The following GRIN2B variants were observed in gnomAD, a reference collection of about 807,000 sequenced individuals.
GRIN2B encodes glutamate ionotropic receptor NMDA type subunit 2B, also known as glutamate receptor ionotropic, NMDA 2B.
Under a neutral mutation model 114.5 loss-of-function variants are expected in GRIN2B, and 5 were observed. The ratio of observed to expected loss-of-function variants is 0.04; its 90% CI spans 0.02 to 0.09. GRIN2B has a LOEUF of 0.09. Ranked by LOEUF, GRIN2B falls within the 10% of genes least tolerant of loss-of-function variation. GRIN2B has a pLI of 1.00. For missense variants in GRIN2B, 1,108 were observed against 1,943.5 expected (o/e 0.57, Z 8.08); for synonymous variants, 787 against 745.1 (o/e 1.06, Z -0.92).
intron 3 of GRIN2B, among the ~76,000 whole-genome samples, chr12:13,812,708 T>C (rs1864755214): frequency 6.6e-6 from 1 of 152,148 alleles, no homozygotes. Context: ...GGAATAGAAC[T>C]AAGAAAATGA....
intron 3 of GRIN2B, among the ~76,000 whole-genome samples, chr12:13,834,619 G>A (rs1021734825): frequency 1.3e-5 from 2 of 152,110 alleles, no homozygotes; most frequent in Non-Finnish European, 2.9e-5. Context: ...AATTGTCTTG[G>A]TGCTCTCCCT....
intron 2 of GRIN2B, among the ~76,000 whole-genome samples, chr12:13,941,748 T>C (rs1194186310): frequency 2.0e-5 from 3 of 152,146 alleles, no homozygotes; most frequent in African/African-American, 4.8e-5. Context: ...TAAGGACAAA[T>C]GAAAAGTGTC....
chr12:13,975,493 T>C (rs1391643613), intron 2 of GRIN2B, among the ~76,000 whole-genome samples: 1 of 152,236 alleles, frequency 6.6e-6, no homozygotes, highest in African/African-American at 2.4e-5. Context: ...GGATCTCAAT[T>C]TCTTTATTAA....
At chr12:13,718,420 T>A (rs1052972930) in intron 4 of GRIN2B, among the ~76,000 whole-genome samples, 1 of 151,644 alleles carries the variant, frequency 6.6e-6, no homozygotes, top group African/African-American at 2.4e-5. Context: ...GCGGAGGAAG[T>A]ACCAAGGAAA....
intron 4 of GRIN2B, among the ~76,000 whole-genome samples, chr12:13,736,130 A>G (rs1293821974): frequency 5.3e-5 from 1 of 18,942 alleles, no homozygotes; most frequent in African/African-American, 1.8e-4. Context: ...TCTCCCATAG[A>G]AAAGCGGGGG....
intron 9 of GRIN2B, among the ~76,000 whole-genome samples, chr12:13,611,230 G>T (rs886154771): frequency 5.9e-5 from 9 of 152,122 alleles, no homozygotes; most frequent in Admixed American, 2.0e-4. Context: ...GGGCAAGGGG[G>T]TTGAACCAGG....
chr12:13,909,032 C>T (rs1357687607), intron 2 of GRIN2B, among the ~76,000 whole-genome samples: 1 of 152,110 alleles, frequency 6.6e-6, no homozygotes, highest in African/African-American at 2.4e-5. Flanking sequence ...GCTGCTGGCT[C>T]GTACTCTGTA....
intron 4 of GRIN2B, among the ~76,000 whole-genome samples, chr12:13,684,089 A>T (rs759189374): frequency 2.6e-5 from 4 of 152,126 alleles, no homozygotes; most frequent in Non-Finnish European, 4.4e-5. Context: ...AAGGCTTGGG[A>T]ATATTTGTTT....
At chr12:13,713,577 G>A (rs141961521) in intron 4 of GRIN2B, among the ~76,000 whole-genome samples, 3 of 152,038 alleles carry the variant, frequency 2.0e-5, no homozygotes, top group Admixed American at 1.3e-4. Context: ...TTGGTAAGAC[G>A]TTCTTAATAG....
intron 10 of GRIN2B, among the ~76,000 whole-genome samples, chr12:13,607,877 A>G (rs944005244): frequency 6.6e-6 from 1 of 152,186 alleles, no homozygotes; most frequent in African/African-American, 2.4e-5. Flanking sequence ...TCCTGGTTAC[A>G]TAGTTTCAGG....
rs58807255 is a variant in GRIN2B at position 13,897,990 on chromosome 12, TAATAAATAAATA to T, written c.-18-31776_-18-31765del. Among the ~76,000 whole-genome samples, 963 of 144,668 alleles carry T rather than the reference TAATAAATAAATA, an allele frequency of 6.7e-3. 16 individuals are homozygous for T. Among genetic ancestry groups the T allele is most frequent in the African/African-American group, 0.023 (887 of 39,354 alleles). The allele number at this position is 144,668 out of a possible 152,430, so 94.9% of individuals were successfully genotyped here. A position where few individuals can be genotyped will look rare whatever the true frequency, so the allele number is the denominator to read the frequency against. On this transcript the variant is annotated intron_variant, in intron 2 of 13. Coordinates refer to ENST00000609686, the MANE Select transcript of GRIN2B (RefSeq NM_000834.5). The stretch of plus-strand genomic sequence containing the variant: ...ATGTACCCTAAAACTTAAAGTATAA[TAATAAATAAATA>T]AATAAATAAATAAATAAATAAATAA...
At chr12:13,742,888 G>A (rs563540545) in intron 4 of GRIN2B, among the ~76,000 whole-genome samples, 2 of 152,310 alleles carry the variant, frequency 1.3e-5, no homozygotes, top group African/African-American at 4.8e-5. Flanking sequence ...TTCCTAAACA[G>A]GGAAATGATT....
intron 2 of GRIN2B, among the ~76,000 whole-genome samples, chr12:13,936,773 C>A (rs1284100659): frequency 1.3e-5 from 2 of 151,548 alleles, no homozygotes; most frequent in African/African-American, 4.9e-5. Context: ...AGAAAATATG[C>A]TCAAATAATT....
chr12:13,654,850 AG>A (rs1203941308), intron 5 of GRIN2B, among the ~76,000 whole-genome samples: 1 of 152,094 alleles, frequency 6.6e-6, no homozygotes, highest in African/African-American at 2.4e-5. Context: ...GCCCATTCTA[AG>A]GTTTCAGAAC....
intron 4 of GRIN2B, among the ~76,000 whole-genome samples, chr12:13,721,234 G>A (rs1950505656): frequency 6.6e-6 from 1 of 152,104 alleles, no homozygotes; most frequent in African/African-American, 2.4e-5. Flanking sequence ...GATGGAGTCA[G>A]AAGACAGCAG....
In GRIN2B at chr12:13,541,048, GCACA is replaced by G. The variant is rs1300191773; in HGVS notation, c.*21731_*21734del. 2 of 152,260 alleles carry G rather than the reference GCACA, an allele frequency of 1.3e-5. No homozygotes were observed. Among genetic ancestry groups the G allele is most frequent in the South Asian group, 2.1e-4 (1 of 4,828 alleles). 9.4% of individuals were successfully genotyped at this position (152,260 alleles called of 1,614,324 possible). On this transcript the variant is annotated 3_prime_UTR_variant, in exon 14 of 14. Coordinates refer to ENST00000609686, the MANE Select transcript of GRIN2B (RefSeq NM_000834.5). ...CACACGCTCACACACATGTGCACAG[GCACA>G]CACACGCATCAGTCATTGTGGCTAA...
intron 3 of GRIN2B, among the ~76,000 whole-genome samples, chr12:13,849,930 T>G (rs965284785): frequency 6.6e-6 from 1 of 152,176 alleles, no homozygotes; most frequent in Non-Finnish European, 1.5e-5. Flanking sequence ...TGTCCCATCA[T>G]GCTCACACAG....
At chr12:13,581,216 T>G (rs999147328) in intron 10 of GRIN2B, among the ~76,000 whole-genome samples, 1 of 152,160 alleles carries the variant, frequency 6.6e-6, no homozygotes, top group African/African-American at 2.4e-5. Flanking sequence ...TCCCAAAGTT[T>G]TTTACAGCTC....
At chr12:13,837,964 ATTTG>A (rs1865308034) in intron 3 of GRIN2B, among the ~76,000 whole-genome samples, 1 of 152,186 alleles carries the variant, frequency 6.6e-6, no homozygotes, top group African/African-American at 2.4e-5. Flanking sequence ...AATATTAAAT[ATTTG>A]TTTAATAGAA....
Sources: gnomAD v4.1 joint callset for allele counts (sites outside exome capture counted in the v4.1 genomes callset) on GRCh38, gnomAD v4.1.1 for gene constraint, MANE v1.5 for transcripts, NCBI Gene and HGNC (gene_info 2026-07-23, HGNC 2026-07-21) for gene names.